The following NRG1 variants were observed in gnomAD, a reference collection of about 807,000 sequenced individuals.
The protein encoded by NRG1 is pro-neuregulin-1, membrane-bound isoform.
Under a neutral mutation model 63.8 loss-of-function variants are expected in NRG1, and 18 were observed. That is an observed-to-expected ratio of 0.28 (90% CI 0.19 to 0.42). The LOEUF is 0.42. Among genes scored for constraint, NRG1 ranks in the 10% least tolerant of loss-of-function variants. The pLI is 1.00. For synonymous variants in NRG1, 302 were observed against 301.3 expected, an observed-to-expected ratio of 1.00 and a Z score of -0.02; for missense variants, 762 against 814.7, an observed-to-expected ratio of 0.94 and a Z score of 0.79.
chr8:32,471,115 T>C (rs1823791236), intron 1 of NRG1, among the ~76,000 whole-genome samples: 2 of 152,236 alleles, frequency 1.3e-5, no homozygotes, highest in Admixed American at 1.3e-4. Flanking sequence ...TATGGAGTCA[T>C]TTATGTCTAT....
intron 1 of NRG1, among the ~76,000 whole-genome samples, chr8:32,528,553 A>G (rs937815047): frequency 1.3e-5 from 2 of 152,200 alleles, no homozygotes; most frequent in African/African-American, 4.8e-5. Flanking sequence ...TCTGTTCATG[A>G]GTGATTATGT....
chr8:32,097,698 A>T, intron 1 of NRG1, among the ~76,000 whole-genome samples: 1 of 152,208 alleles, frequency 6.6e-6, no homozygotes, highest in Non-Finnish European at 1.5e-5. Flanking sequence ...AACAGAACTC[A>T]CCAAATAGAT....
Position 32,209,863 on chromosome 8 carries a change from A to C in NRG1, c.38-385965A>C, listed in dbSNP as rs998191372. ...TGATGGGATGGCTGCACAGAGGCACATGGAGAAGAAGCAAGGAAGCCACCT... is the reference window on the plus strand; with the variant it reads ...TGATGGGATGGCTGCACAGAGGCACCTGGAGAAGAAGCAAGGAAGCCACCT... On this transcript the variant is annotated intron_variant, in intron 1 of 10. Transcript: ENST00000519301. Among the ~76,000 whole-genome samples the C allele has an allele frequency of 3.3e-5, 5 of 152,042 alleles. 1 individual carries two copies. The South Asian group carries it at 1.0e-3, about 32-fold the overall frequency.
chr8:32,707,941 TA>T (rs2128975211), intron 5 of NRG1, among the ~76,000 whole-genome samples: 1 of 194 alleles, frequency 5.2e-3, no homozygotes, highest in Admixed American at 0.12. Context: ...AAGTTATATG[TA>T]TATGAAGTAT....
chr8:32,480,526 A>T (rs34453416), intron 1 of NRG1, among the ~76,000 whole-genome samples: 25,443 of 151,924 alleles, frequency 0.17, 2,316 homozygotes, highest in Non-Finnish European at 0.19. Context: ...GGTGATGGAG[A>T]TGTTAATTAG....
chr8:31,645,222 C>A (rs1323496816), intron 1 of NRG1, among the ~76,000 whole-genome samples: 2 of 152,142 alleles, frequency 1.3e-5, no homozygotes, highest in African/African-American at 4.8e-5. Flanking sequence ...TTACCCCCAA[C>A]CTCTCCAGAA....
intron 5 of NRG1, among the ~76,000 whole-genome samples, chr8:32,650,513 CT>C (rs1212546727): frequency 6.6e-6 from 1 of 151,844 alleles, no homozygotes; most frequent in East Asian, 1.9e-4. Context: ...TGTGAGACTA[CT>C]TTTTTTGGGG....
chr8:32,684,715 CTTAG>C (rs1809616605), intron 5 of NRG1, among the ~76,000 whole-genome samples: 2 of 151,912 alleles, frequency 1.3e-5, no homozygotes, highest in African/African-American at 4.8e-5. Flanking sequence ...TTAGTCAATG[CTTAG>C]CATTGATTTT....
intron 1 of NRG1, among the ~76,000 whole-genome samples, chr8:32,178,588 T>A (rs1477522992): frequency 3.3e-5 from 5 of 152,008 alleles, no homozygotes; most frequent in African/African-American, 9.7e-5. Flanking sequence ...GCAGCCTAGG[T>A]GATAGAGTGA....
intron 5 of NRG1, among the ~76,000 whole-genome samples, chr8:32,659,146 CTTT>C (rs11408766): frequency 1.5e-5 from 2 of 136,014 alleles, no homozygotes; most frequent in Admixed American, 7.5e-5. Flanking sequence ...CTTTTCTTTT[CTTT>C]TTTTTTTTTT....
At chr8:32,207,508 G>A (rs1201304955) in intron 1 of NRG1, among the ~76,000 whole-genome samples, 1 of 152,078 alleles carries the variant, frequency 6.6e-6, no homozygotes, top group Non-Finnish European at 1.5e-5. Flanking sequence ...TCTCTGTCTG[G>A]TCAGAAGCTA....
At chr8:32,748,465 G>C (rs1280303515) in intron 7 of NRG1, among the ~76,000 whole-genome samples, 1 of 151,932 alleles carries the variant, frequency 6.6e-6, no homozygotes, top group Non-Finnish European at 1.5e-5. Context: ...AGAATGAAAA[G>C]TGTCATCCCT....
chr8:31,797,110 A>G lies in NRG1; in HGVS notation c.37+157679A>G, dbSNP rs78356920. ...ATTTCTGTGATATGCTTCCTTATTG[A>G]CATGTGGGCTTTGAAACTTGGTAAC... On this transcript the variant is annotated intron_variant, in intron 1 of 10. Coordinates refer to the NRG1 transcript ENST00000519301. Among the ~76,000 whole-genome samples the G allele has an allele frequency of 6.4e-3, 977 of 152,286 alleles. 13 individuals carry two copies. Among genetic ancestry groups the G allele is most frequent in the African/African-American group, 0.017 (694 of 41,554 alleles).
intron 1 of NRG1, among the ~76,000 whole-genome samples, chr8:32,557,276 G>C (rs1304056796): frequency 6.6e-6 from 1 of 152,114 alleles, no homozygotes; most frequent in East Asian, 1.9e-4. Context: ...CAAAGTGCTG[G>C]GATTACAGGC....
chr8:32,690,260 T>C (rs117409435), intron 5 of NRG1, among the ~76,000 whole-genome samples: 3,283 of 152,234 alleles, frequency 0.022, 63 homozygotes, highest in Middle Eastern at 0.037. Context: ...TTTGAAGTAA[T>C]TATAGGATCC....
intron 1 of NRG1, among the ~76,000 whole-genome samples, chr8:31,994,857 T>A (rs2129633159): frequency 6.6e-6 from 1 of 151,966 alleles, no homozygotes; most frequent in African/African-American, 2.4e-5. Flanking sequence ...AAGGCCTCTA[T>A]TTGATTGAAA....
intron 1 of NRG1, among the ~76,000 whole-genome samples, chr8:32,261,376 T>TGTG (rs745339207): frequency 1.3e-4 from 19 of 151,930 alleles, no homozygotes; most frequent in Admixed American, 1.2e-3. Flanking sequence ...TGTGTGTGTG[T>TGTG]GTGTGTGTGT....
chr8:32,202,863 TA>T (rs1162893894), intron 1 of NRG1, among the ~76,000 whole-genome samples: 1 of 151,002 alleles, frequency 6.6e-6, no homozygotes, highest in African/African-American at 2.4e-5. Flanking sequence ...GGGCACACGA[TA>T]GGGGGTTGCA....
intron 1 of NRG1, among the ~76,000 whole-genome samples, chr8:32,175,358 A>T (rs191521509): frequency 6.6e-6 from 1 of 152,226 alleles, no homozygotes; most frequent in Admixed American, 6.5e-5. Flanking sequence ...ATCTATGACA[A>T]ACCCATAGCC....
Sources: allele counts gnomAD v4.1 joint callset (sites outside exome capture counted in the v4.1 genomes callset), GRCh38; gene constraint gnomAD v4.1.1; transcripts MANE v1.5; gene names NCBI Gene and HGNC (gene_info 2026-07-23, HGNC 2026-07-21).